Variants in TRPM2 observed in about 807,000 individuals in gnomAD.
TRPM2 encodes estrogen-responsive element-associated gene 1 protein.
Under a neutral mutation model 174.0 loss-of-function variants are expected in TRPM2, and 161 were observed. The ratio of observed to expected loss-of-function variants is 0.93; its 90% CI spans 0.81 to 1.05. The LOEUF is 1.05. TRPM2 is among the 50% of genes least tolerant of loss of function. The pLI is 0.00. For synonymous variants in TRPM2, 954 were observed against 861.3 expected (o/e 1.11, Z -1.88); for missense variants, 2,057 against 2,038.0 (o/e 1.01, Z -0.18).
Position 44,406,772 on chromosome 21 carries a change from G to A in TRPM2, c.2962+7G>A. ...ATCCCGGGCTACATCGACGGTAGGA[G>A]CCGGGCGCCATGGGAGCTCGGGTGG... On this transcript the variant is annotated splice_region_variant and intron_variant, in intron 19 of 31. Transcript: ENST00000397928. The A allele has an allele frequency of 6.3e-7, 1 of 1,595,784 alleles. No homozygotes were observed. Among genetic ancestry groups the A allele is most frequent in the Non-Finnish European group, 8.5e-7 (1 of 1,173,428 alleles).
At chr21:44,365,872 C>T (rs909056879) in intron 3 of TRPM2, among the ~76,000 whole-genome samples, 1 of 152,252 alleles carries the variant, frequency 6.6e-6, no homozygotes, top group African/African-American at 2.4e-5. Flanking sequence ...CTCCAGATGC[C>T]TGGTGGACCC....
chr21:44,356,371 G>A (rs981091744), intron 2 of TRPM2, among the ~76,000 whole-genome samples: 3 of 151,454 alleles, frequency 2.0e-5, no homozygotes, highest in African/African-American at 4.8e-5. Context: ...ACTGGAAAGG[G>A]GTCCCGATCC....
intron 26 of TRPM2, 121 bp downstream of exon 26, chr21:44,426,857 G>C: frequency 7.2e-7 from 1 of 1,387,980 alleles, no homozygotes; most frequent in Non-Finnish European, 1.0e-6. Context: ...GGAGGGGCCC[G>C]TGGGGGCCTG....
At chr21:44,379,263 G>A (rs2048804259) in intron 8 of TRPM2, 66 bp downstream of exon 8, 7 of 1,560,944 alleles carry the variant, frequency 4.5e-6, no homozygotes, top group African/African-American at 1.3e-5. Context: ...TCAGCCTGGT[G>A]GGCAGGACCA....
chr21:44,427,199 T>C (rs1314706014), intron 27 of TRPM2, 88 bp downstream of exon 27: 5 of 1,181,952 alleles, frequency 4.2e-6, no homozygotes, highest in Non-Finnish European at 4.7e-6. Context: ...GGAAGCATTT[T>C]TCTCATAAAA....
In TRPM2 at chr21:44,439,173, TC is replaced by T. The variant is rs779091185; in HGVS notation, c.4269+7del. 3 of 1,612,480 alleles carry T rather than the reference TC, an allele frequency of 1.9e-6. 1 individual carries two copies. The South Asian group carries it at 3.3e-5, about 18-fold the overall frequency. ...TTGCTGAAGTGCGGCATGGAGGTATTCCTGGCCTGTTTGCTCTGTTCCACCT... is the reference window on the plus strand; with the variant it reads ...TTGCTGAAGTGCGGCATGGAGGTATTCTGGCCTGTTTGCTCTGTTCCACCT... On this transcript the variant is annotated splice_donor_region_variant and intron_variant, in intron 30 of 31. Coordinates refer to ENST00000397928, the MANE Select transcript of TRPM2 (RefSeq NM_003307.4). The surrounding 1 kb of genome is among the most constrained non-coding windows in gnomAD (Gnocchi z 5.1).
upstream of TRPM2, among the ~76,000 whole-genome samples, chr21:44,352,647 G>T (rs2047946076): frequency 6.6e-6 from 1 of 152,208 alleles, no homozygotes; most frequent in African/African-American, 2.4e-5. Flanking sequence ...ATGACCTCAT[G>T]AGAACACTGT....
In TRPM2 at chr21:44,427,125, C is replaced by G. The variant is rs774879304; in HGVS notation, c.3974+14C>G. On this transcript the variant is annotated intron_variant, in intron 27 of 31. Coordinates refer to ENST00000397928, the MANE Select transcript of TRPM2 (RefSeq NM_003307.4). ...CGGGTTGCCCCTGTGAGTGTGCCCC[C>G]TGCGGGCCCCGCCCCGTCAGCCTTT... 8.3e-6 allele frequency: 13 copies of G among 1,564,646 alleles called. No individual in the cohort carries two copies. Among genetic ancestry groups the G allele is most frequent in the Non-Finnish European group, 1.1e-5 (13 of 1,153,844 alleles).
rs778798184 is a variant in TRPM2 at position 44,418,002 on chromosome 21, C to T, written c.3222C>T (p.Tyr1074=). ...KFQRHDLIEE[Y]HGRPAAPPPF... is the part of the protein sequence containing the mutation. ...AGCGCCATGACCTGATCGAGGAGTA[C>T]CACGGCCGCCCCGCCGCGCCGCCCC... is the stretch of plus-strand genomic sequence containing the variant. Residue 1074 remains tyrosine (Y), a synonymous_variant, in exon 21 of 32, where the codon TAC becomes TAT. Transcript: ENST00000397928. 1 of 1,612,974 alleles carries T rather than the reference C, an allele frequency of 6.2e-7. No homozygotes were observed. The highest frequency in any genetic ancestry group is 2.2e-5 in the East Asian group (1 of 44,880).
rs768276564 is a variant in TRPM2 at position 44,413,931 on chromosome 21, C to T, written c.3003C>T (p.Thr1001=). ...CGGAGCACTGCAGCCCCAATGGCAC[C>T]GACCCCTACAAGCCTAAGTGCCCCG... is the stretch of plus-strand genomic sequence containing the variant. The part of the protein sequence containing the change: ...FNPEHCSPNG[T]DPYKPKCPES... The change falls in exon 20 of 32, where the codon ACC becomes ACT. Residue 1001 remains threonine (T), a synonymous_variant. Transcript: ENST00000397928. The T allele has an allele frequency of 3.6e-5, 58 of 1,613,862 alleles. No individual in the cohort carries two copies. Among genetic ancestry groups the T allele is most frequent in the South Asian group, 7.7e-5 (7 of 91,088 alleles).
chr21:44,419,860 ATGG>A (rs1436125721), intron 22 of TRPM2, among the ~76,000 whole-genome samples: 1 of 132,656 alleles, frequency 7.5e-6, no homozygotes, highest in Non-Finnish European at 1.6e-5. Flanking sequence ...GATGGTGGTA[ATGG>A]TGGTAGCGGT....
chr21:44,402,045 G>T, intron 16 of TRPM2, 148 bp downstream of exon 16: 1 of 892,710 alleles, frequency 1.1e-6, no homozygotes, highest in Non-Finnish European at 1.7e-6. Context: ...TCCCCAAAAT[G>T]GGTGGCTGGG....
At chr21:44,429,286 T>C (rs912978762) in intron 27 of TRPM2, among the ~76,000 whole-genome samples, 17 of 138,068 alleles carry the variant, frequency 1.2e-4, no homozygotes, top group African/African-American at 2.8e-4. Context: ...TTCTTTTTTT[T>C]TTTTTTTTTT....
chr21:44,436,824 C>G (rs115443516), intron 28 of TRPM2, among the ~76,000 whole-genome samples: 2 of 152,112 alleles, frequency 1.3e-5, no homozygotes, highest in Non-Finnish European at 2.9e-5. Context: ...AAAAATTCTC[C>G]ATGAAGGCTG....
At chr21:44,403,333 G>A (rs1162974564) in intron 16 of TRPM2, among the ~76,000 whole-genome samples, 1 of 152,198 alleles carries the variant, frequency 6.6e-6, no homozygotes. Context: ...TAGGCCAAAT[G>A]GGGGCTCCCA....
intron 11 of TRPM2, among the ~76,000 whole-genome samples, chr21:44,393,619 T>C (rs569842453): frequency 1.3e-5 from 2 of 152,286 alleles, no homozygotes; most frequent in African/African-American, 4.8e-5. Context: ...AACTACTTCT[T>C]ATAAGCTTGG....
At chr21:44,379,325 C>A in intron 8 of TRPM2, 128 bp downstream of exon 8, 1 of 1,122,438 alleles carries the variant, frequency 8.9e-7, no homozygotes, top group Non-Finnish European at 1.3e-6. Flanking sequence ...GGTGCCAGAG[C>A]GATTTGCAGA....
chr21:44,427,541 C>T (rs966153454), intron 27 of TRPM2, among the ~76,000 whole-genome samples: 5 of 152,198 alleles, frequency 3.3e-5, no homozygotes, highest in African/African-American at 1.2e-4. Flanking sequence ...ACCCATCACA[C>T]AGGTGAGGAA....
At chr21:44,422,383 T>G (rs2050582125) in intron 22 of TRPM2, 1 of 1,535,952 alleles carries the variant, frequency 6.5e-7, no homozygotes, top group Non-Finnish European at 8.7e-7. Flanking sequence ...GTAACCACCC[T>G]CGCATGTTTG....
Sources: allele counts gnomAD v4.1 joint callset (sites outside exome capture counted in the v4.1 genomes callset), GRCh38; gene constraint gnomAD v4.1.1; non-coding constraint Gnocchi (gnomAD v3.1); transcripts MANE v1.5; gene names NCBI Gene and HGNC (gene_info 2026-07-23, HGNC 2026-07-21).